The following DOK5 variants were observed in gnomAD, a reference collection of about 807,000 sequenced individuals.
The protein encoded by DOK5 is downstream of tyrosine kinase 5.
A neutral mutation model predicts 43.3 loss-of-function variants in DOK5; 27 were observed. The ratio of observed to expected loss-of-function variants is 0.62; its 90% confidence interval spans 0.46 to 0.86. DOK5 has a LOEUF of 0.86. DOK5 is among the 40% of genes least tolerant of loss of function. The pLI, the probability that DOK5 is intolerant of heterozygous loss-of-function variation, is 0.00. For missense variants in DOK5, 373 were observed against 392.9 expected (o/e 0.95, Z 0.43); for synonymous variants, 146 against 140.1 (o/e 1.04, Z -0.30).
At chr20:54,626,005 C>A (rs1987119106) in intron 6 of DOK5, among the ~76,000 whole-genome samples, 1 of 152,204 alleles carries the variant, frequency 6.6e-6, no homozygotes, top group Non-Finnish European at 1.5e-5. Flanking sequence ...GTCTTCTCTC[C>A]TTTTTAGAGG....
At chr20:54,648,666 G>A (rs1979559057) in intron 7 of DOK5, among the ~76,000 whole-genome samples, 1 of 152,220 alleles carries the variant, frequency 6.6e-6, no homozygotes, top group Admixed American at 6.5e-5. Flanking sequence ...GACAGCCGGG[G>A]TGGTGAATAC....
In DOK5 at chr20:54,511,464, T is replaced by A. The variant is rs181096779; in HGVS notation, c.66+35452T>A. ...TAAAGTAGAAAAGGTGGTAGATAGCTGATAATTTTTTAAAATGTGTTTCTA... is the reference window on the plus strand; with the variant it reads ...TAAAGTAGAAAAGGTGGTAGATAGCAGATAATTTTTTAAAATGTGTTTCTA... On this transcript the variant is annotated intron_variant, in intron 1 of 7. Transcript: ENST00000262593. Among the ~76,000 whole-genome samples, 47 of 152,378 alleles carry A rather than the reference T, an allele frequency of 3.1e-4. 1 individual carries two copies. The East Asian group carries it at 9.0e-3, about 29-fold the overall frequency.
At chr20:54,613,030 A>T (rs778691331) in intron 6 of DOK5, among the ~76,000 whole-genome samples, 6 of 152,218 alleles carry the variant, frequency 3.9e-5, no homozygotes, top group Non-Finnish European at 7.3e-5. Context: ...GCTTTCCATG[A>T]ACTGTAGCTG....
intron 5 of DOK5, among the ~76,000 whole-genome samples, chr20:54,592,896 A>G (rs957626141): frequency 1.3e-5 from 2 of 152,292 alleles, no homozygotes; most frequent in Admixed American, 1.3e-4. Context: ...TCTTCTGTAT[A>G]TGGCCTGACA....
chr20:54,499,791 T>C (rs544475561), intron 1 of DOK5, among the ~76,000 whole-genome samples: 2 of 152,308 alleles, frequency 1.3e-5, no homozygotes, highest in South Asian at 4.1e-4. Context: ...CAATGGAATC[T>C]CAGTCTATTC....
At chr20:54,558,147 T>C (rs977121932) in intron 2 of DOK5, among the ~76,000 whole-genome samples, 1 of 152,126 alleles carries the variant, frequency 6.6e-6, no homozygotes, top group Non-Finnish European at 1.5e-5. Context: ...AACTTTGATT[T>C]GGAGAAAATA....
In DOK5 at chr20:54,475,652, T is replaced by G. The variant is rs948834791; in HGVS notation, c.-295T>G. On this transcript the variant is annotated 5_prime_UTR_variant, in exon 1 of 8. Coordinates refer to ENST00000262593, the MANE Select transcript of DOK5 (RefSeq NM_018431.5). This position sits in a 1 kb window ranked among gnomAD's most constrained non-coding sequence, Gnocchi z 4.2. ...GGCTGGATCCCTCAGCCGCCGCCGC[T>G]CCTCCTCCTGGCAGGCCGGCCGCGG... 7 of 495,360 alleles carry G rather than the reference T, an allele frequency of 1.4e-5. No individual in the cohort carries two copies. Among genetic ancestry groups the G allele is most frequent in the Non-Finnish European group, 2.5e-5 (7 of 277,482 alleles). 30.7% of individuals were successfully genotyped at this position (495,360 alleles called of 1,614,324 possible). A position where few individuals can be genotyped will look rare whatever the true frequency, so the allele number is the denominator to read the frequency against.
intron 1 of DOK5, among the ~76,000 whole-genome samples, chr20:54,504,089 G>A (rs914304047): frequency 2.6e-5 from 4 of 152,116 alleles, no homozygotes; most frequent in Non-Finnish European, 5.9e-5. Context: ...AGTGTGCACT[G>A]CCCTGAGCTT....
chr20:54,599,901 G>C (rs1290164940), intron 5 of DOK5, among the ~76,000 whole-genome samples: 1 of 152,220 alleles, frequency 6.6e-6, no homozygotes, highest in Non-Finnish European at 1.5e-5. Context: ...CAACAGAAGA[G>C]AGAGATATAG....
At chr20:54,614,118 C>T (rs73146053) in intron 6 of DOK5, among the ~76,000 whole-genome samples, 8,942 of 151,912 alleles carry the variant, frequency 0.059, 304 homozygotes, top group Middle Eastern at 0.092. Context: ...GCTTGATGCT[C>T]AGTCTGTATG....
chr20:54,633,258 T>C (rs1467181880), intron 6 of DOK5, among the ~76,000 whole-genome samples: 1 of 152,116 alleles, frequency 6.6e-6, no homozygotes, highest in Non-Finnish European at 1.5e-5. Context: ...TGTTTTCAAA[T>C]ATTATTTTCA....
intron 6 of DOK5, among the ~76,000 whole-genome samples, chr20:54,642,562 A>G (rs941309050): frequency 3.1e-4 from 46 of 149,354 alleles, no homozygotes; most frequent in African/African-American, 1.1e-3. Flanking sequence ...AAAAAAAAAA[A>G]AAAAAAGAAA....
chr20:54,643,920 A>G (rs1568826732), intron 7 of DOK5, among the ~76,000 whole-genome samples: 1 of 152,214 alleles, frequency 6.6e-6, no homozygotes, highest in Non-Finnish European at 1.5e-5. Context: ...GCGAGGGGCC[A>G]GGGACCAGGC....
At chr20:54,536,689 G>C (rs1474361163) in intron 1 of DOK5, among the ~76,000 whole-genome samples, 1 of 152,188 alleles carries the variant, frequency 6.6e-6, no homozygotes, top group African/African-American at 2.4e-5. Context: ...AGCAAGGCAA[G>C]AAACTTTTAG....
chr20:54,638,730 A>G (rs1978961757), intron 6 of DOK5, among the ~76,000 whole-genome samples: 1 of 149,560 alleles, frequency 6.7e-6, no homozygotes, highest in African/African-American at 2.5e-5. Flanking sequence ...TTGTTCCACC[A>G]TAACACCATT....
chr20:54,610,120 C>T (rs894438210), intron 5 of DOK5, among the ~76,000 whole-genome samples: 2 of 152,094 alleles, frequency 1.3e-5, no homozygotes, highest in Admixed American at 6.5e-5. Context: ...AATCAAGAAA[C>T]AGCTTTTTTT....
Position 54,538,475 on chromosome 20 carries a change from T to C in DOK5, c.67-16458T>C, listed in dbSNP as rs895433389. Among the ~76,000 whole-genome samples the C allele has an allele frequency of 3.3e-5, 5 of 152,100 alleles. No individual in the cohort carries two copies. In the East Asian group the frequency reaches 9.6e-4, roughly 29 times the overall value. ...TACCTTAAAAAATAGTTGATTAAGA[T>C]TTCTAAACAGAAAGGAAACAATACA... On this transcript the variant is annotated intron_variant, in intron 1 of 7. Coordinates refer to ENST00000262593, the MANE Select transcript of DOK5 (RefSeq NM_018431.5).
chr20:54,498,253 C>T (rs1335628224), intron 1 of DOK5, among the ~76,000 whole-genome samples: 1 of 152,200 alleles, frequency 6.6e-6, no homozygotes, highest in Non-Finnish European at 1.5e-5. Flanking sequence ...TAAATCTTGA[C>T]ATTTACAATG....
chr20:54,543,569 G>C (rs1984238826), intron 1 of DOK5, among the ~76,000 whole-genome samples: 1 of 149,894 alleles, frequency 6.7e-6, no homozygotes, highest in Non-Finnish European at 1.5e-5. Context: ...GTGTGTGTGT[G>C]TATGTGTGTG....
Sources: allele counts gnomAD v4.1 joint callset (sites outside exome capture counted in the v4.1 genomes callset), GRCh38; gene constraint gnomAD v4.1.1; non-coding constraint Gnocchi (gnomAD v3.1); transcripts MANE v1.5; gene names NCBI Gene and HGNC (gene_info 2026-07-23, HGNC 2026-07-21).